The following AK5 variants were observed in gnomAD, a reference collection of about 807,000 sequenced individuals.
AK5 encodes the protein adenylate kinase 5.
A neutral mutation model predicts 69.5 loss-of-function variants in AK5; 27 were observed. The observed-to-expected ratio is 0.39, with a 90% CI of 0.29 to 0.54. The LOEUF (loss-of-function observed/expected upper bound fraction) is 0.54, where lower values mean the gene tolerates loss of function less well. AK5 is among the 20% of genes least tolerant of loss of function. The pLI is 0.71. For missense variants in AK5, 531 were observed against 700.4 expected, an observed-to-expected ratio of 0.76 and a Z score of 2.73; for synonymous variants, 260 against 244.4, an observed-to-expected ratio of 1.06 and a Z score of -0.60.
At chr1:77,288,502 A>G (rs1005367186) in intron 2 of AK5, among the ~76,000 whole-genome samples, 4 of 152,148 alleles carry the variant, frequency 2.6e-5, no homozygotes, top group African/African-American at 7.2e-5. Context: ...CTTATTAGTC[A>G]TGACCTACAT....
At chr1:77,468,453 G>T (rs61784766) in intron 8 of AK5, among the ~76,000 whole-genome samples, 1 of 152,218 alleles carries the variant, frequency 6.6e-6, no homozygotes, top group Non-Finnish European at 1.5e-5. Context: ...CCTGGCAGCC[G>T]TGCCTCAGAG....
intron 6 of AK5, among the ~76,000 whole-genome samples, chr1:77,367,051 T>C (rs2100453058): frequency 6.6e-6 from 1 of 152,296 alleles, no homozygotes; most frequent in East Asian, 1.9e-4. Context: ...AAATTAATCA[T>C]TCTCAGGCAA....
chr1:77,437,114 TAAG>T (rs1652003172), intron 8 of AK5, among the ~76,000 whole-genome samples: 1 of 152,128 alleles, frequency 6.6e-6, no homozygotes, highest in Non-Finnish European at 1.5e-5. Context: ...TGACAATTCT[TAAG>T]ACATTTCTGT....
chr1:77,427,174 A>G (rs1347929454), intron 8 of AK5, among the ~76,000 whole-genome samples: 1 of 152,030 alleles, frequency 6.6e-6, no homozygotes, highest in African/African-American at 2.4e-5. Flanking sequence ...CAATGAAATT[A>G]TAAATAGGAA....
At chr1:77,298,957 G>A (rs1659180172) in intron 5 of AK5, among the ~76,000 whole-genome samples, 1 of 152,156 alleles carries the variant, frequency 6.6e-6, no homozygotes, top group South Asian at 2.1e-4. Flanking sequence ...CTGAGAAATA[G>A]GAGTACTGTT....
Position 77,417,628 on chromosome 1 carries a change from C to T in AK5, c.983-11C>T. On this transcript the variant is annotated splice_polypyrimidine_tract_variant and intron_variant, in intron 7 of 13. Transcript: ENST00000354567. ...ACCTCCATCCACTTATCTTTTCTTT[C>T]CTAATCTTAGGTTCAAGTGACCTTG... 2.5e-6 allele frequency: 4 copies of T among 1,578,732 alleles called. No homozygotes were observed. Among genetic ancestry groups the T allele is most frequent in the Non-Finnish European group, 3.5e-6 (4 of 1,149,464 alleles).
intron 13 of AK5, among the ~76,000 whole-genome samples, chr1:77,545,338 G>C (rs530157821): frequency 1.3e-5 from 2 of 152,094 alleles, no homozygotes; most frequent in Non-Finnish European, 2.9e-5. Flanking sequence ...CATGGTGGGG[G>C]AGGGCTGATT....
chr1:77,552,100 G>T (rs1054213188), intron 13 of AK5, among the ~76,000 whole-genome samples: 5 of 152,150 alleles, frequency 3.3e-5, no homozygotes, highest in Non-Finnish European at 7.4e-5. Context: ...TCTGATTGGG[G>T]TGCTCATCCT....
At chr1:77,476,014 T>A (rs1654915611) in intron 8 of AK5, among the ~76,000 whole-genome samples, 1 of 152,172 alleles carries the variant, frequency 6.6e-6, no homozygotes, top group African/African-American at 2.4e-5. Flanking sequence ...AATATTGCAA[T>A]TTATATGTAA....
chr1:77,395,424 T>G (rs192851258), intron 6 of AK5, among the ~76,000 whole-genome samples: 56 of 152,360 alleles, frequency 3.7e-4, no homozygotes, highest in African/African-American at 1.3e-3. Flanking sequence ...TATAAAAATT[T>G]GAAGGCATCT....
At chr1:77,391,035 C>T (rs1648388822) in intron 6 of AK5, among the ~76,000 whole-genome samples, 1 of 152,160 alleles carries the variant, frequency 6.6e-6, no homozygotes, top group South Asian at 2.1e-4. Flanking sequence ...TGGGTTAGAT[C>T]TCCTGGCAGC....
At chr1:77,493,954 T>G (rs941672190) in intron 10 of AK5, among the ~76,000 whole-genome samples, 6 of 152,194 alleles carry the variant, frequency 3.9e-5, no homozygotes, top group African/African-American at 1.4e-4. Context: ...CATTCTTCAT[T>G]TAATCAAAGC....
intron 6 of AK5, among the ~76,000 whole-genome samples, chr1:77,391,495 G>GTGTGTGTA (rs1425180466): frequency 1.4e-4 from 9 of 63,450 alleles, no homozygotes; most frequent in African/African-American, 1.6e-4. Flanking sequence ...GTGTGTGTGT[G>GTGTGTGTA]TATATATATA....
chr1:77,284,516 C>G (rs1233241996), intron 1 of AK5, among the ~76,000 whole-genome samples: 2 of 152,194 alleles, frequency 1.3e-5, no homozygotes, highest in Non-Finnish European at 2.9e-5. Context: ...ATCATGTAAG[C>G]TAAATGGAAT....
intron 13 of AK5, among the ~76,000 whole-genome samples, chr1:77,552,724 CAG>C (rs1372586986): frequency 6.6e-5 from 10 of 152,144 alleles, no homozygotes. Context: ...TTATGAAACA[CAG>C]AGGAAATAGA....
At chr1:77,332,963 A>G (rs909163523) in intron 5 of AK5, among the ~76,000 whole-genome samples, 1 of 151,776 alleles carries the variant, frequency 6.6e-6, no homozygotes, top group Non-Finnish European at 1.5e-5. Flanking sequence ...TCAGCTTTAA[A>G]TACTTTGAGC....
At chr1:77,354,580 G>T (rs1404067031) in intron 6 of AK5, among the ~76,000 whole-genome samples, 2 of 152,222 alleles carry the variant, frequency 1.3e-5, no homozygotes, top group Non-Finnish European at 2.9e-5. Flanking sequence ...TTAATGAATT[G>T]TACTACATCC....
At chr1:77,349,934 T>C (rs1166474706) in intron 6 of AK5, among the ~76,000 whole-genome samples, 1 of 152,210 alleles carries the variant, frequency 6.6e-6, no homozygotes, top group Non-Finnish European at 1.5e-5. Context: ...TTTATAGTCA[T>C]TCATTCAAAC....
intron 8 of AK5, among the ~76,000 whole-genome samples, chr1:77,475,545 T>TTA (rs369324123): frequency 0.26 from 22,675 of 85,754 alleles, 3,870 homozygotes; most frequent in South Asian, 0.42. Context: ...CAAATATATA[T>TTA]TATATATATA....
Sources: allele counts gnomAD v4.1 joint callset (sites outside exome capture counted in the v4.1 genomes callset), GRCh38; gene constraint gnomAD v4.1.1; transcripts MANE v1.5; gene names NCBI Gene and HGNC (gene_info 2026-07-23, HGNC 2026-07-21).